The following ERBB4 variants were observed in gnomAD, a reference collection of about 807,000 sequenced individuals.
ERBB4 encodes erb-b2 receptor tyrosine kinase 4, also known as receptor tyrosine-protein kinase erbB-4.
ERBB4 carries 42 observed loss-of-function variants against 158.0 expected under a neutral mutation model. The observed-to-expected ratio is 0.27, with a 90% CI of 0.21 to 0.34. ERBB4 has a LOEUF of 0.34. Among genes scored for constraint, ERBB4 ranks in the 10% least tolerant of loss-of-function variants. The pLI is 1.00. For synonymous variants in ERBB4, 583 were observed against 558.7 expected, an observed-to-expected ratio of 1.04 and a Z score of -0.61; for missense variants, 1,333 against 1,624.1, an observed-to-expected ratio of 0.82 and a Z score of 3.08.
chr2:212,028,049 A>T (rs1444646297), intron 2 of ERBB4, among the ~76,000 whole-genome samples: 1 of 152,132 alleles, frequency 6.6e-6, no homozygotes, highest in Admixed American at 6.6e-5. Flanking sequence ...GGAAGTTGCC[A>T]GTTGTTGTCC....
At chr2:212,459,612 C>T (rs1688471215) in intron 1 of ERBB4, among the ~76,000 whole-genome samples, 1 of 152,054 alleles carries the variant, frequency 6.6e-6, no homozygotes, top group Admixed American at 6.6e-5. Flanking sequence ...AATGGAACCA[C>T]AAAAGACCTC....
At chr2:211,482,349 T>G (rs916269468) in intron 20 of ERBB4, among the ~76,000 whole-genome samples, 1 of 152,216 alleles carries the variant, frequency 6.6e-6, no homozygotes, top group African/African-American at 2.4e-5. Context: ...ATCAAAGAAT[T>G]AGAAGGGTCA....
intron 1 of ERBB4, among the ~76,000 whole-genome samples, chr2:212,342,013 C>G (rs1035468326): frequency 6.6e-6 from 1 of 152,068 alleles, no homozygotes; most frequent in Non-Finnish European, 1.5e-5. Flanking sequence ...AATCCCAACA[C>G]GTTGGGAGGT....
chr2:211,525,275 T>C (rs949354199), intron 20 of ERBB4, among the ~76,000 whole-genome samples: 9 of 152,082 alleles, frequency 5.9e-5, no homozygotes, highest in African/African-American at 1.9e-4. Context: ...GACTCCATAA[T>C]AGACCACTTC....
At chr2:212,338,394 T>C (rs1194833321) in intron 1 of ERBB4, among the ~76,000 whole-genome samples, 1 of 152,112 alleles carries the variant, frequency 6.6e-6, no homozygotes, top group Non-Finnish European at 1.5e-5. Context: ...ACCATATGCA[T>C]ATACAAGGCA....
chr2:212,473,757 T>C (rs1689233703), intron 1 of ERBB4, among the ~76,000 whole-genome samples: 1 of 152,106 alleles, frequency 6.6e-6, no homozygotes, highest in African/African-American at 2.4e-5. Context: ...GGAATCTTCA[T>C]TTATTTCATA....
chr2:211,830,609 T>G (rs1179276909), intron 3 of ERBB4, among the ~76,000 whole-genome samples: 1 of 152,114 alleles, frequency 6.6e-6, no homozygotes, highest in Admixed American at 6.6e-5. Flanking sequence ...AAATTAACGT[T>G]GAATACTAGA....
At chr2:211,550,455 A>C (rs962342019) in intron 20 of ERBB4, among the ~76,000 whole-genome samples, 5 of 151,392 alleles carry the variant, frequency 3.3e-5, no homozygotes, top group African/African-American at 1.2e-4. Context: ...GGAAATGACG[A>C]GGAAAATTTG....
rs1008716166 is a variant in ERBB4 at position 211,958,526 on chromosome 2, TCTGA to T, written c.235-10914_235-10911del. On this transcript the variant is annotated intron_variant, in intron 2 of 27. Transcript: ENST00000342788. ...TTCTGTCACCTACTGGTGAAATCAC[TCTGA>T]CTATTACCTCTGTTTTATAAATGAA... 5.9e-5 allele frequency among the ~76,000 whole-genome samples: 9 copies of T among 152,218 alleles called. 1 individual carries two copies. Among genetic ancestry groups the T allele is most frequent in the Admixed American group, 2.0e-4 (3 of 15,258 alleles).
At chr2:211,790,609 T>C (rs1359482881) in intron 3 of ERBB4, among the ~76,000 whole-genome samples, 1 of 152,032 alleles carries the variant, frequency 6.6e-6, no homozygotes, top group Non-Finnish European at 1.5e-5. Context: ...AAGGAGACAA[T>C]AATAAATCCA....
chr2:211,819,329 A>G (rs539264857), intron 3 of ERBB4, among the ~76,000 whole-genome samples: 1 of 152,192 alleles, frequency 6.6e-6, no homozygotes, highest in South Asian at 2.1e-4. Context: ...TAACAGGAAG[A>G]TATAAAAATA....
chr2:212,125,133 G>T, intron 1 of ERBB4: 1 of 523,700 alleles, frequency 1.9e-6, no homozygotes, highest in Non-Finnish European at 3.4e-6. Flanking sequence ...AGATTCCACA[G>T]AAATATATAG....
chr2:212,537,659 T>C (rs1693168454), intron 1 of ERBB4, among the ~76,000 whole-genome samples: 1 of 151,652 alleles, frequency 6.6e-6, no homozygotes, highest in East Asian at 1.9e-4. Flanking sequence ...CTCCGGCCAA[T>C]AGCAAGTTGA....
chr2:211,739,717 C>T (rs572565084), intron 5 of ERBB4, among the ~76,000 whole-genome samples: 1 of 152,368 alleles, frequency 6.6e-6, no homozygotes, highest in South Asian at 2.1e-4. Context: ...GATCTGCCCG[C>T]TTCGGCCTCC....
At chr2:211,712,930 A>C (rs891375274) in intron 8 of ERBB4, among the ~76,000 whole-genome samples, 1 of 151,988 alleles carries the variant, frequency 6.6e-6, no homozygotes, top group Non-Finnish European at 1.5e-5. Flanking sequence ...GGAGATTTAG[A>C]CTTTATTTTC....
intron 1 of ERBB4, among the ~76,000 whole-genome samples, chr2:212,200,262 G>A (rs905276189): frequency 4.6e-5 from 7 of 151,872 alleles, no homozygotes; most frequent in Non-Finnish European, 8.8e-5. Flanking sequence ...AGGAATATAA[G>A]GGAAAAGGAA....
chr2:212,149,663 T>C (rs1187778872), intron 1 of ERBB4, among the ~76,000 whole-genome samples: 1 of 152,192 alleles, frequency 6.6e-6, no homozygotes, highest in African/African-American at 2.4e-5. Context: ...ATACAACCCT[T>C]CCATTAGCCC....
chr2:211,543,960 G>A (rs2066878236), intron 20 of ERBB4, among the ~76,000 whole-genome samples: 1 of 151,984 alleles, frequency 6.6e-6, no homozygotes, highest in Non-Finnish European at 1.5e-5. Context: ...TAAGATCATG[G>A]TAACAGGAGA....
At chr2:211,862,674 T>C (rs2078091429) in intron 3 of ERBB4, among the ~76,000 whole-genome samples, 1 of 152,216 alleles carries the variant, frequency 6.6e-6, no homozygotes, top group Non-Finnish European at 1.5e-5. Flanking sequence ...TCAAAGAATT[T>C]AAAATGGAAT....
Sources: allele counts gnomAD v4.1 joint callset (sites outside exome capture counted in the v4.1 genomes callset), GRCh38; gene constraint gnomAD v4.1.1; transcripts MANE v1.5; gene names NCBI Gene and HGNC (gene_info 2026-07-23, HGNC 2026-07-21).